NOL4: variants seen among roughly 807,000 people sequenced by gnomAD.
NOL4 encodes cancer/testis antigen 125.
A neutral mutation model predicts 75.9 loss-of-function variants in NOL4; 17 were observed. That is an observed-to-expected ratio of 0.22 (90% CI 0.15 to 0.34). NOL4 has a LOEUF of 0.34. NOL4 is among the 10% of genes least tolerant of loss of function. NOL4 has a pLI of 1.00. For synonymous variants in NOL4, 292 were observed against 289.9 expected, an observed-to-expected ratio of 1.01 and a Z score of -0.07; for missense variants, 614 against 793.5, an observed-to-expected ratio of 0.77 and a Z score of 2.72.
chr18:34,165,928 ACTTT>A (rs1398125958), intron 1 of NOL4, among the ~76,000 whole-genome samples: 1 of 152,016 alleles, frequency 6.6e-6, no homozygotes, highest in Non-Finnish European at 1.5e-5. Context: ...TACTAACAAC[ACTTT>A]CTTTCAATAT....
intron 5 of NOL4, among the ~76,000 whole-genome samples, chr18:34,021,606 G>A (rs2075041501): frequency 6.6e-6 from 1 of 152,164 alleles, no homozygotes; most frequent in Non-Finnish European, 1.5e-5. Flanking sequence ...TGACTCTGAT[G>A]AGGAGAATGG....
At chr18:34,201,122 G>T (rs1568444820) in intron 1 of NOL4, among the ~76,000 whole-genome samples, 1 of 151,610 alleles carries the variant, frequency 6.6e-6, no homozygotes, top group Non-Finnish European at 1.5e-5. Context: ...AAGAGAGGGG[G>T]ACAGAGGAAG....
At chr18:34,206,417 T>C (rs2036128077) in intron 1 of NOL4, among the ~76,000 whole-genome samples, 2 of 152,176 alleles carry the variant, frequency 1.3e-5, no homozygotes, top group Admixed American at 1.3e-4. Context: ...ACTGAAGAAC[T>C]TCCTTCAGCA....
At chr18:34,167,044 C>CAAAAAAAAAAAAAAAAAAAAA (rs1174730527) in intron 1 of NOL4, among the ~76,000 whole-genome samples, 2 of 5,670 alleles carry the variant, frequency 3.5e-4, no homozygotes, top group African/African-American at 6.9e-4. Flanking sequence ...GACTCCGTCT[C>CAAAAAAAAAAAAAAAAAAAAA]AAAAAAAAAA....
chr18:34,095,101 T>C (rs1418888463), intron 4 of NOL4, among the ~76,000 whole-genome samples: 2 of 152,154 alleles, frequency 1.3e-5, no homozygotes, highest in African/African-American at 4.8e-5. Flanking sequence ...GGGTCATGCT[T>C]GGGCACACTG....
At chr18:34,106,935 G>C (rs920308167) in intron 2 of NOL4, among the ~76,000 whole-genome samples, 1 of 152,096 alleles carries the variant, frequency 6.6e-6, no homozygotes, top group Admixed American at 6.6e-5. Context: ...CGTCTGACCA[G>C]TAAATTTATT....
intron 6 of NOL4, among the ~76,000 whole-genome samples, chr18:34,011,154 T>G (rs867447114): frequency 7.9e-5 from 12 of 151,782 alleles, no homozygotes; most frequent in African/African-American, 2.7e-4. Flanking sequence ...ATTACACTGA[T>G]GTGATTATTA....
chr18:34,010,376 A>G (rs1480023608), intron 6 of NOL4, among the ~76,000 whole-genome samples: 1 of 151,822 alleles, frequency 6.6e-6, no homozygotes, highest in East Asian at 1.9e-4. Context: ...GTGTATATGT[A>G]ATACATTTTT....
chr18:33,925,949 T>C (rs993441102), intron 9 of NOL4, among the ~76,000 whole-genome samples: 1 of 152,156 alleles, frequency 6.6e-6, no homozygotes, highest in Admixed American at 6.5e-5. Context: ...GTCTAATATG[T>C]CGTGTAATAA....
At chr18:34,187,751 C>T (rs1224838950) in intron 1 of NOL4, among the ~76,000 whole-genome samples, 4 of 152,134 alleles carry the variant, frequency 2.6e-5, no homozygotes, top group East Asian at 3.8e-4. Context: ...TAGCCAATCA[C>T]CTGCTGAAGA....
chr18:33,901,182 T>A (rs1335132145), intron 9 of NOL4, among the ~76,000 whole-genome samples: 2 of 152,154 alleles, frequency 1.3e-5, no homozygotes, highest in African/African-American at 4.8e-5. Context: ...GGGTTTGGCA[T>A]CAGATCATAA....
intron 1 of NOL4, among the ~76,000 whole-genome samples, chr18:34,195,517 A>C (rs2035263139): frequency 6.6e-6 from 1 of 152,168 alleles, no homozygotes; most frequent in South Asian, 2.1e-4. Flanking sequence ...TGAAGAGGCC[A>C]AACCCAGTTT....
At chr18:33,918,973 A>G (rs1378309428) in intron 9 of NOL4, among the ~76,000 whole-genome samples, 1 of 152,158 alleles carries the variant, frequency 6.6e-6, no homozygotes, top group Non-Finnish European at 1.5e-5. Flanking sequence ...TCTATTAGTA[A>G]TCTATATATA....
chr18:34,066,411 C>T (rs1300970427), intron 5 of NOL4, among the ~76,000 whole-genome samples: 2 of 151,840 alleles, frequency 1.3e-5, no homozygotes, highest in Admixed American at 1.3e-4. Context: ...TAAGAGTCTT[C>T]ACAGCTGCTT....
intron 1 of NOL4, chr18:34,156,708 T>C (rs1203314517): frequency 6.6e-6 from 1 of 152,596 alleles, no homozygotes; most frequent in Non-Finnish European, 1.5e-5. Context: ...AACACTTCCA[T>C]TGTCATTAAT....
intron 1 of NOL4, among the ~76,000 whole-genome samples, chr18:34,205,448 T>C (rs2036057110): frequency 6.6e-6 from 1 of 152,112 alleles, no homozygotes; most frequent in South Asian, 2.1e-4. Flanking sequence ...GGGTGGCATG[T>C]ATTTTACACT....
At chr18:34,100,544 G>A (rs774043396) in intron 4 of NOL4, among the ~76,000 whole-genome samples, 4 of 152,104 alleles carry the variant, frequency 2.6e-5, no homozygotes, top group Non-Finnish European at 5.9e-5. Context: ...ATACATTACT[G>A]TAGACATATT....
At chr18:34,194,373 C>A (rs1600845576) in intron 1 of NOL4, among the ~76,000 whole-genome samples, 1 of 133,562 alleles carries the variant, frequency 7.5e-6, no homozygotes, top group African/African-American at 2.9e-5. Flanking sequence ...TTAAAAGCAA[C>A]TAAGAAAAGA....
intron 6 of NOL4, among the ~76,000 whole-genome samples, chr18:33,972,373 C>T (rs996876555): frequency 3.9e-5 from 6 of 151,976 alleles, no homozygotes; most frequent in Non-Finnish European, 8.8e-5. Flanking sequence ...GATGCTTAGC[C>T]TTACTAATTA....
Sources: allele counts gnomAD v4.1 joint callset (sites outside exome capture counted in the v4.1 genomes callset), GRCh38; gene constraint gnomAD v4.1.1; transcripts MANE v1.5; gene names NCBI Gene and HGNC (gene_info 2026-07-23, HGNC 2026-07-21).